The following LCORL variants were observed in gnomAD, a reference collection of about 807,000 sequenced individuals.
LCORL encodes the protein ligand-dependent nuclear receptor corepressor-like protein.
A neutral mutation model predicts 141.8 loss-of-function variants in LCORL; 41 were observed. That is an observed-to-expected ratio of 0.29 (90% CI 0.23 to 0.38). The LOEUF (loss-of-function observed/expected upper bound fraction) is 0.38. Ranked by LOEUF, LCORL falls within the 10% of genes least tolerant of loss-of-function variation. The pLI, the probability that LCORL is intolerant of heterozygous loss-of-function variation, is 1.00. For missense variants in LCORL, 1,759 were observed against 2,035.0 expected (o/e 0.86, Z 2.61); for synonymous variants, 618 against 694.1 (o/e 0.89, Z 1.72).
At chr4:17,962,654 C>T (rs1714065604) in intron 3 of LCORL, among the ~76,000 whole-genome samples, 1 of 151,912 alleles carries the variant, frequency 6.6e-6, no homozygotes, top group Admixed American at 6.6e-5. Context: ...CCAAAGTAGG[C>T]CTTCAAGCTC....
chr4:17,970,865 T>C (rs1014336551), intron 2 of LCORL, among the ~76,000 whole-genome samples: 1 of 152,204 alleles, frequency 6.6e-6, no homozygotes, highest in African/African-American at 2.4e-5. Flanking sequence ...AAAGTGTTTA[T>C]ACATATGAGA....
chr4:17,933,861 G>A (rs1029284826), intron 4 of LCORL, among the ~76,000 whole-genome samples: 17 of 151,984 alleles, frequency 1.1e-4, no homozygotes, highest in African/African-American at 4.1e-4. Context: ...TGGTAGAATG[G>A]AATGAAGAGT....
exon 7 of LCORL, chr4:17,874,853 C>G: frequency 4.1e-6 from 5 of 1,233,734 alleles, no homozygotes; most frequent in Non-Finnish European, 5.1e-6. Flanking sequence ...CTATTTTCAT[C>G]TTTGAGTGCC....
At chr4:17,911,661 C>T in intron 4 of LCORL, 1 of 480,742 alleles carries the variant, frequency 2.1e-6, no homozygotes, top group Non-Finnish European at 4.1e-6. Context: ...TCTCACTCTC[C>T]TCCCTGGACA....
chr4:18,016,857 T>C (rs1724720598), intron 1 of LCORL, among the ~76,000 whole-genome samples: 1 of 152,140 alleles, frequency 6.6e-6, no homozygotes, highest in South Asian at 2.1e-4. Flanking sequence ...TCATTCTGTT[T>C]TGCTGCTGTG....
chr4:17,868,697 A>C (rs1167978031), intron 7 of LCORL, among the ~76,000 whole-genome samples: 1 of 152,128 alleles, frequency 6.6e-6, no homozygotes, highest in Non-Finnish European at 1.5e-5. Flanking sequence ...CTATTAGAAA[A>C]GATTCTCTAG....
intron 5 of LCORL, among the ~76,000 whole-genome samples, chr4:17,905,382 T>C (rs948600897): frequency 4.6e-5 from 7 of 152,084 alleles, no homozygotes; most frequent in African/African-American, 1.7e-4. Flanking sequence ...TAATCATCCA[T>C]GCCTCCTTAG....
intron 4 of LCORL, among the ~76,000 whole-genome samples, chr4:17,951,037 C>T (rs1029191723): frequency 3.3e-5 from 5 of 152,208 alleles, no homozygotes; most frequent in Non-Finnish European, 7.3e-5. Flanking sequence ...TGGATTCAGA[C>T]ATGGATGAAC....
At position 17,900,902 on chromosome 4, in the gene LCORL, T is replaced by C. The variant is rs2109296493; in HGVS notation, c.682+8192A>G. Among the ~76,000 whole-genome samples the C allele has an allele frequency of 2.0e-5, 3 of 152,224 alleles. No individual in the cohort carries two copies. The South Asian group carries it at 6.2e-4, about 32-fold the overall frequency. On this transcript the variant is annotated intron_variant, in intron 5 of 7. Transcript: ENST00000635767. ...AAATGTCCACAATTGATGAGATTTC[T>C]CCTTAGTTTTAGGAAACATATAACT...
chr4:17,960,361 C>T, intron 4 of LCORL: 2 of 154,310 alleles, frequency 1.3e-5, no homozygotes, highest in African/African-American at 4.8e-5. Flanking sequence ...GGCAATGGAG[C>T]ATAGGCTAAC....
chr4:17,882,808 AT>A, intron 6 of LCORL: 1 of 984,856 alleles, frequency 1.0e-6, no homozygotes, highest in East Asian at 1.1e-4. Context: ...TAACCAGCAC[AT>A]TTAAACCAAA....
At chr4:17,965,701 C>T (rs1034459081) in intron 2 of LCORL, among the ~76,000 whole-genome samples, 2 of 152,024 alleles carry the variant, frequency 1.3e-5, no homozygotes, top group Non-Finnish European at 2.9e-5. Context: ...TCCACATACT[C>T]ATGTGGCCTC....
intron 4 of LCORL, chr4:17,912,946 G>A (rs1025128908): frequency 8.2e-5 from 38 of 463,362 alleles, no homozygotes; most frequent in South Asian, 1.3e-4. Flanking sequence ...AGTGGTGCCC[G>A]AGACCAGTGA....
chr4:17,935,358 T>C (rs1236196294), intron 4 of LCORL, among the ~76,000 whole-genome samples: 1 of 152,178 alleles, frequency 6.6e-6, no homozygotes, highest in Non-Finnish European at 1.5e-5. Context: ...ATACTACTCA[T>C]GAGTTCCAAA....
At chr4:17,951,648 T>A (rs1485281461) in intron 4 of LCORL, among the ~76,000 whole-genome samples, 1 of 152,190 alleles carries the variant, frequency 6.6e-6, no homozygotes, top group Non-Finnish European at 1.5e-5. Flanking sequence ...ACAACCAGCC[T>A]GTGAGAGGTT....
At chr4:17,876,709 A>G (rs1310619747) in exon 7 of LCORL, 3 of 1,230,864 alleles carry the variant, frequency 2.4e-6, no homozygotes, top group Non-Finnish European at 3.0e-6. Flanking sequence ...TCATTTCTCA[A>G]AAGAGTTTGA....
At chr4:17,923,954 G>T (rs1734703957) in intron 4 of LCORL, among the ~76,000 whole-genome samples, 1 of 151,886 alleles carries the variant, frequency 6.6e-6, no homozygotes, top group Non-Finnish European at 1.5e-5. Flanking sequence ...AGTCTAGGAA[G>T]GGAAATCTTC....
chr4:17,893,905 T>TC (rs1729489091), intron 5 of LCORL, among the ~76,000 whole-genome samples: 1 of 152,152 alleles, frequency 6.6e-6, no homozygotes, highest in South Asian at 2.1e-4. Flanking sequence ...TTCAAGCGAT[T>TC]CTCCAGCCTT....
At chr4:17,970,273 G>A (rs1015788840) in intron 2 of LCORL, among the ~76,000 whole-genome samples, 5 of 152,068 alleles carry the variant, frequency 3.3e-5, no homozygotes, top group Admixed American at 6.6e-5. Flanking sequence ...TAAATGAATT[G>A]TACTATAACA....
Sources: gnomAD v4.1 joint callset for allele counts (sites outside exome capture counted in the v4.1 genomes callset) on GRCh38, gnomAD v4.1.1 for gene constraint, MANE v1.5 for transcripts, NCBI Gene and HGNC (gene_info 2026-07-23, HGNC 2026-07-21) for gene names.